Variants in NTSR2 observed in about 807,000 individuals in gnomAD.
The protein encoded by NTSR2 is neurotensin receptor 2.
Under a neutral mutation model 24.1 loss-of-function variants are expected in NTSR2, and 22 were observed. The ratio of observed to expected loss-of-function variants is 0.91; its 90% CI spans 0.65 to 1.30. The LOEUF (loss-of-function observed/expected upper bound fraction) is 1.30. Among genes scored for constraint, NTSR2 ranks in the 50% most tolerant of loss-of-function variants. The probability of loss-of-function intolerance (pLI) is 0.00; values close to 1 mark genes in which losing one functional copy is unlikely to be tolerated. For synonymous variants in NTSR2, 291 were observed against 267.0 expected, an observed-to-expected ratio of 1.09 and a Z score of -0.88; for missense variants, 570 against 570.4, an observed-to-expected ratio of 1.00 and a Z score of 0.01.
chr2:11,664,976 C>T (rs2148486886), intron 1 of NTSR2, among the ~76,000 whole-genome samples: 1 of 152,002 alleles, frequency 6.6e-6, no homozygotes, highest in African/African-American at 2.4e-5. Context: ...AGCTTCATTG[C>T]CCTGGCCAGG....
chr2:11,659,200 C>T (rs994977970), intron 3 of NTSR2, among the ~76,000 whole-genome samples: 1 of 152,214 alleles, frequency 6.6e-6, no homozygotes, highest in South Asian at 2.1e-4. Flanking sequence ...CAGCAGCTGA[C>T]GCCCTCCACC....
intron 1 of NTSR2, 49 bp downstream of exon 1, chr2:11,669,457 A>AGCGGGGGGGGGGGGGGGCCCCCCCCCC: frequency 4.5e-6 from 1 of 221,428 alleles, no homozygotes; most frequent in African/African-American, 2.8e-5. Flanking sequence ...TCCTCCCAGC[A>AGCGGGGGGGGGGGGGGGCCCCCCCCCC]CCGCCCCCCC....
intron 1 of NTSR2, among the ~76,000 whole-genome samples, chr2:11,667,810 G>T (rs576630426): frequency 1.3e-5 from 2 of 152,202 alleles, no homozygotes; most frequent in African/African-American, 4.8e-5. Flanking sequence ...TTCCAGGTGC[G>T]CATTGGAGCC....
chr2:11,662,131 G>T lies in NTSR2; in HGVS notation c.734C>A (p.Thr245Asn), dbSNP rs768354226. The T allele has an allele frequency of 1.2e-6, 2 of 1,611,186 alleles. No individual in the cohort carries two copies. The highest frequency in any genetic ancestry group is 1.7e-6 in the Non-Finnish European group (2 of 1,178,988). ...ALCSQVPSTS[T>N]PGSSTPSRLE... is the part of the protein sequence containing the mutation. Reference sequence around the variant, plus strand: ...GCGGCTGGGGGTGGAGCTGCCCGGGGTAGAAGTGGACGGCACTTGGGAGCA... The same window carrying T: ...GCGGCTGGGGGTGGAGCTGCCCGGGTTAGAAGTGGACGGCACTTGGGAGCA... The change falls in exon 2 of 4, where the codon ACC (threonine) becomes AAC (asparagine). Residue 245 changes from threonine (T) to asparagine (N), a missense_variant. Physicochemically the swap from Thr to Asn is moderately conservative, Grantham distance 65. Transcript: ENST00000306928.
At chr2:11,659,201 G>T (rs1023797550) in intron 3 of NTSR2, among the ~76,000 whole-genome samples, 2 of 152,164 alleles carry the variant, frequency 1.3e-5, no homozygotes, top group Non-Finnish European at 2.9e-5. Flanking sequence ...AGCAGCTGAC[G>T]CCCTCCACCC....
chr2:11,658,563 C>G lies in NTSR2; in HGVS notation c.1149G>C (p.Met383Ile). ...TCTGGGGCTTCGGGGGTAACCGCTT[C>G]ATGGGGTGGTGCTCTCCACACAGGG... Reference protein sequence around the residue: ...VSSLCGEHHPMKRLPPKPQSP... With the variant: ...VSSLCGEHHPIKRLPPKPQSP... The change falls in exon 4 of 4, where the codon ATG becomes ATC. Residue 383 changes from methionine (M) to isoleucine (I), a missense_variant. Met to Ile is a conservative substitution (Grantham distance 10, BLOSUM62 1). Coordinates refer to ENST00000306928, the MANE Select transcript of NTSR2 (RefSeq NM_012344.4). 1 of 1,614,162 alleles carries G rather than the reference C, an allele frequency of 6.2e-7. No homozygotes were observed.
At chr2:11,658,828 T>C in intron 3 of NTSR2, 106 bp from the exon 4 acceptor site, 1 of 1,261,836 alleles carries the variant, frequency 7.9e-7, no homozygotes, top group Non-Finnish European at 1.1e-6. Context: ...TGACGAAGCC[T>C]ATTTTCTGCT....
At chr2:11,664,741 T>C (rs767798394) in intron 1 of NTSR2, among the ~76,000 whole-genome samples, 142 of 152,346 alleles carry the variant, frequency 9.3e-4, no homozygotes, top group Non-Finnish European at 1.6e-3. Flanking sequence ...GGGAAAACTA[T>C]AGTTTTTCGT....
Position 11,669,459 on chromosome 2 carries a change from C to CGGGGGGGGGGGGGGCG in NTSR2, c.624+46_624+47insCGCCCCCCCCCCCCCC. On this transcript the variant is annotated intron_variant, in intron 1 of 3. Coordinates refer to ENST00000306928, the MANE Select transcript of NTSR2 (RefSeq NM_012344.4). ...AGAGGGGGTTCCCTCCTCCCAGCACCGCCCCCCCACCCCCCCTCCCCCGAC... is the reference window on the plus strand; with the variant it reads ...AGAGGGGGTTCCCTCCTCCCAGCACCGGGGGGGGGGGGGGCGGCCCCCCCACCCCCCCTCCCCCGAC... 6 of 337,892 alleles carry CGGGGGGGGGGGGGGCG rather than the reference C, an allele frequency of 1.8e-5. 1 individual carries two copies. Among genetic ancestry groups the CGGGGGGGGGGGGGGCG allele is most frequent in the East Asian group, 4.3e-5 (1 of 23,470 alleles). 20.9% of individuals were successfully genotyped at this position (337,892 alleles called of 1,614,324 possible). A position where few individuals can be genotyped will look rare whatever the true frequency, so the allele number is the denominator to read the frequency against.
At chr2:11,664,812 G>C (rs1336755339) in intron 1 of NTSR2, among the ~76,000 whole-genome samples, 1 of 152,164 alleles carries the variant, frequency 6.6e-6, no homozygotes, top group African/African-American at 2.4e-5. Context: ...TATAAACAGT[G>C]AATCAACTCA....
intron 1 of NTSR2, among the ~76,000 whole-genome samples, chr2:11,668,458 A>G (rs1349546732): frequency 6.6e-6 from 1 of 152,094 alleles, no homozygotes; most frequent in South Asian, 2.1e-4. Context: ...CGCTTAGGAG[A>G]CTGCTTAGGA....
At chr2:11,664,654 C>G (rs1227722792) in intron 1 of NTSR2, among the ~76,000 whole-genome samples, 2 of 152,084 alleles carry the variant, frequency 1.3e-5, no homozygotes, top group Non-Finnish European at 2.9e-5. Context: ...AGCTTTAATA[C>G]CAGTCAAGAC....
intron 1 of NTSR2, 47 bp downstream of exon 1, chr2:11,669,459 C>CCGGGGGG: frequency 1.5e-4 from 50 of 337,848 alleles, no homozygotes; most frequent in Middle Eastern, 7.6e-4. Context: ...CTCCCAGCAC[C>CCGGGGGG]GCCCCCCCAC....
intron 1 of NTSR2, among the ~76,000 whole-genome samples, chr2:11,666,542 T>TA (rs1661203929): frequency 6.6e-6 from 1 of 151,370 alleles, no homozygotes; most frequent in Non-Finnish European, 1.5e-5. Context: ...CTACTAAAAA[T>TA]AAAAAAATTA....
chr2:11,667,091 A>G (rs1268729369), intron 1 of NTSR2, among the ~76,000 whole-genome samples: 2 of 152,208 alleles, frequency 1.3e-5, no homozygotes, highest in African/African-American at 4.8e-5. Context: ...AACGCTACCC[A>G]CAGACACCCA....
intron 1 of NTSR2, among the ~76,000 whole-genome samples, chr2:11,663,262 G>C (rs1572265919): frequency 6.6e-6 from 1 of 152,132 alleles, no homozygotes; most frequent in African/African-American, 2.4e-5. Context: ...CATTCAAAAT[G>C]GGGTATCCTA....
intron 1 of NTSR2, among the ~76,000 whole-genome samples, chr2:11,668,440 T>G (rs1572270238): frequency 6.6e-6 from 1 of 152,142 alleles, no homozygotes; most frequent in Non-Finnish European, 1.5e-5. Flanking sequence ...GACGTGCCAC[T>G]AAGAAGCCGC....
In NTSR2 at chr2:11,670,079, C is replaced by G. The variant is rs1316120680; in HGVS notation, c.51G>C (p.Leu17=). The G allele has an allele frequency of 1.1e-5, 16 of 1,452,372 alleles. 1 individual carries two copies. In the South Asian group the frequency reaches 1.8e-4, roughly 17 times the overall value. 90.0% of individuals were successfully genotyped at this position (1,452,372 alleles called of 1,614,324 possible). A position where few individuals can be genotyped will look rare whatever the true frequency, so the allele number is the denominator to read the frequency against. Residue 17 remains leucine, a synonymous_variant, in exon 1 of 4, where the codon CTG becomes CTC. Coordinates refer to ENST00000306928, the MANE Select transcript of NTSR2 (RefSeq NM_012344.4). ...RPPRPSSNPG[L]SLDARLGVDT... is the part of the protein sequence containing the mutation. Reference sequence around the variant, plus strand: ...CCACGCCCAGCCGGGCGTCCAGGCTCAGCCCCGGGTTGGAGCTGGGCCGCG... The same window carrying G: ...CCACGCCCAGCCGGGCGTCCAGGCTGAGCCCCGGGTTGGAGCTGGGCCGCG...
rs972191909 is a variant in NTSR2, at chr2:11,670,159, C to T, written c.-30G>A. The T allele has an allele frequency of 2.9e-6, 4 of 1,360,578 alleles. No individual in the cohort carries two copies. Among genetic ancestry groups the T allele is most frequent in the Middle Eastern group, 2.7e-4 (1 of 3,678 alleles). The allele number at this position is 1,360,578 out of a possible 1,614,324, so 84.3% of individuals were successfully genotyped here. On this transcript the variant is annotated 5_prime_UTR_variant, in exon 1 of 4. Coordinates refer to ENST00000306928, the MANE Select transcript of NTSR2 (RefSeq NM_012344.4). ...CTCCCGCGGCCGGCGCTCCCTCCCT[C>T]TCACTGCCCGGAGTCTGGGCGAGCT...
Sources: gnomAD v4.1 joint callset for allele counts (sites outside exome capture counted in the v4.1 genomes callset) on GRCh38, gnomAD v4.1.1 for gene constraint, MANE v1.5 for transcripts, NCBI Gene and HGNC (gene_info 2026-07-23, HGNC 2026-07-21) for gene names.